Variants in TEX10 observed in about 807,000 individuals in gnomAD.
The protein encoded by TEX10 is testis expressed 10.
A neutral mutation model predicts 104.4 loss-of-function variants in TEX10; 24 were observed. The observed-to-expected ratio is 0.23, with a 90% CI of 0.17 to 0.32. The LOEUF (loss-of-function observed/expected upper bound fraction) is 0.32. Ranked by LOEUF, TEX10 falls within the 10% of genes least tolerant of loss-of-function variation. The pLI is 1.00. For missense variants in TEX10, 921 were observed against 1,083.9 expected (o/e 0.85, Z 2.11); for synonymous variants, 396 against 393.4 (o/e 1.01, Z -0.08).
At position 100,308,508 on chromosome 9, in the gene TEX10, T is replaced by C. The variant is rs1272945986; in HGVS notation, c.2457A>G (p.Leu819=). Residue 819 remains leucine (L), a synonymous_variant, in exon 13 of 15, where the codon CTA becomes CTG. Transcript: ENST00000374902. ...LTIEKGEAEH[L]RKRDKLWGVC... Reference sequence around the variant, plus strand: ...GAATAAAAAATAATTACCTCTTTCTTAGATGTTCTGCTTCCCCTTTCTCTA... The same window carrying C: ...GAATAAAAAATAATTACCTCTTTCTCAGATGTTCTGCTTCCCCTTTCTCTA... 6.3e-7 allele frequency: 1 copy of C among 1,585,774 alleles called. No homozygotes were observed. Among genetic ancestry groups the C allele is most frequent in the South Asian group, 1.2e-5 (1 of 85,096 alleles).
intron 5 of TEX10, among the ~76,000 whole-genome samples, chr9:100,336,621 C>T (rs1818327125): frequency 1.3e-5 from 2 of 152,158 alleles, no homozygotes; most frequent in Admixed American, 6.5e-5. Flanking sequence ...AAAACTGTTT[C>T]ATTACGTATT....
At chr9:100,346,383 T>A in intron 3 of TEX10, 68 bp from the exon 4 acceptor site, 1 of 1,489,258 alleles carries the variant, frequency 6.7e-7, no homozygotes, top group African/African-American at 1.4e-5. Context: ...CTAATTTAAA[T>A]CTTAAATATA....
At chr9:100,325,344 A>G (rs960330493) in intron 9 of TEX10, among the ~76,000 whole-genome samples, 1 of 152,226 alleles carries the variant, frequency 6.6e-6, no homozygotes, top group African/African-American at 2.4e-5. Flanking sequence ...TGAGCAACAT[A>G]AAACCTTTCA....
chr9:100,314,200 G>C (rs969692746), intron 11 of TEX10, among the ~76,000 whole-genome samples: 1 of 150,730 alleles, frequency 6.6e-6, no homozygotes. Flanking sequence ...CAATTCTCCT[G>C]CCTCAGCCTC....
intron 4 of TEX10, among the ~76,000 whole-genome samples, chr9:100,340,973 GT>G (rs879812518): frequency 1.6e-4 from 23 of 146,692 alleles, no homozygotes; most frequent in South Asian, 2.2e-4. Context: ...GCTCAATTTG[GT>G]TTTTTTTTTT....
rs1239901628 is a variant in TEX10, at chr9:100,329,232, C to T, written c.1533G>A (p.Gln511=). ...TLIKAVYTLY[Q]QRGLILPVRT... The stretch of plus-strand genomic sequence containing the variant: ...GAACTGGAAGGATAAGGCCCCTCTG[C>T]TGATATAATGTATAAACTGCCTTAA... The change falls in exon 7 of 15, where the codon CAG becomes CAA. Residue 511 remains glutamine, a synonymous_variant. Transcript: ENST00000374902. 6.2e-7 allele frequency: 1 copy of T among 1,612,244 alleles called. No individual in the cohort carries two copies. Among genetic ancestry groups the T allele is most frequent in the South Asian group, 1.1e-5 (1 of 90,534 alleles).
At chr9:100,344,069 AAAAT>A (rs941494568) in intron 4 of TEX10, among the ~76,000 whole-genome samples, 5 of 152,216 alleles carry the variant, frequency 3.3e-5, no homozygotes, top group African/African-American at 7.2e-5. Context: ...TCCTTTTTAA[AAAAT>A]AAATAAATAA....
At position 100,346,071 on chromosome 9, in the gene TEX10, C is replaced by T; in HGVS notation, c.1137+1G>A. On this transcript the variant is annotated splice_donor_variant, in intron 4 of 14. Transcript: ENST00000374902. LOFTEE classifies it high-confidence loss of function. ...GAAAATAAAGAACCATTAGTTCTCACCAATTTATGGGTTTCATCCTGTTGT... is the reference window on the plus strand; with the variant it reads ...GAAAATAAAGAACCATTAGTTCTCATCAATTTATGGGTTTCATCCTGTTGT... 1.9e-6 allele frequency: 3 copies of T among 1,608,990 alleles called. No individual in the cohort carries two copies. Among genetic ancestry groups the T allele is most frequent in the Non-Finnish European group, 2.5e-6 (3 of 1,177,676 alleles).
chr9:100,303,979 AACG>A, intron 13 of TEX10, 137 bp from the exon 14 acceptor site: 1 of 791,714 alleles, frequency 1.3e-6, no homozygotes, highest in South Asian at 1.7e-5. Context: ...CCAAATCAAG[AACG>A]CAATCTCACT....
At chr9:100,310,411 T>C in intron 11 of TEX10, 32 bp from the exon 12 acceptor site, 1 of 1,569,064 alleles carries the variant, frequency 6.4e-7, no homozygotes. Context: ...ACTAACCAAA[T>C]CAGAACATTT....
chr9:100,337,993 T>TA (rs759763545), intron 5 of TEX10, among the ~76,000 whole-genome samples: 4 of 152,344 alleles, frequency 2.6e-5, no homozygotes, highest in Admixed American at 2.0e-4. Context: ...ATGTAAATGT[T>TA]AGTTACAGAG....
intron 6 of TEX10, 52 bp downstream of exon 6, chr9:100,329,879 T>C (rs781584104): frequency 4.9e-6 from 7 of 1,428,246 alleles, no homozygotes; most frequent in South Asian, 2.5e-5. Context: ...GACCTTAAGA[T>C]AGCACATGTA....
rs1229862568 is a variant in TEX10 at position 100,339,297 on chromosome 9, A to G, written c.1250+960T>C. Among the ~76,000 whole-genome samples the G allele has an allele frequency of 3.6e-5, 5 of 138,658 alleles. No individual in the cohort carries two copies. In the Admixed American group the frequency reaches 3.7e-4, roughly 10 times the overall value. 91.0% of individuals were successfully genotyped at this position (138,658 alleles called of 152,430 possible). A position where few individuals can be genotyped will look rare whatever the true frequency, so the allele number is the denominator to read the frequency against. On this transcript the variant is annotated intron_variant, in intron 5 of 14. Transcript: ENST00000374902. ...AAAGTATATATATATATATACATAT[A>G]TATATACACATATTTGTTTTTTATA...
intron 9 of TEX10, among the ~76,000 whole-genome samples, chr9:100,323,688 T>G (rs898468232): frequency 1.4e-4 from 22 of 152,228 alleles, no homozygotes; most frequent in Non-Finnish European, 2.8e-4. Flanking sequence ...GCTGATGGGT[T>G]TTTAACACAT....
chr9:100,330,191 T>A (rs371735265), intron 5 of TEX10, 22 bp from the exon 6 acceptor site: 5 of 1,502,532 alleles, frequency 3.3e-6, no homozygotes, highest in Non-Finnish European at 4.6e-6. Flanking sequence ...GACACACACA[T>A]CTATAAAGCA....
At chr9:100,316,883 C>A (rs1834429956) in intron 11 of TEX10, among the ~76,000 whole-genome samples, 1 of 90,204 alleles carries the variant, frequency 1.1e-5, no homozygotes, top group Admixed American at 1.5e-4. Flanking sequence ...GGCAATCCCA[C>A]TTATAATAGC....
In TEX10 at chr9:100,327,895, G is replaced by A; in HGVS notation, c.1693C>T (p.Arg565Ter). 6.2e-7 allele frequency: 1 copy of A among 1,603,570 alleles called. No individual in the cohort carries two copies. Among genetic ancestry groups the A allele is most frequent in the Non-Finnish European group, 8.5e-7 (1 of 1,172,928 alleles). ...LPLQLAHLGS[R>*]NPELSTQLID... is the part of the protein sequence containing the mutation. Reference sequence around the variant, plus strand: ...AGCTGTGTAGAGAGCTCAGGATTTCGGGAGCCAAGATGAGCAAGTTGCAAT... The same window carrying A: ...AGCTGTGTAGAGAGCTCAGGATTTCAGGAGCCAAGATGAGCAAGTTGCAAT... Residue 565 changes from arginine to a stop codon, truncating the protein, a stop_gained, in exon 8 of 15, where the codon CGA (arginine) becomes TGA (stop). Coordinates refer to ENST00000374902, the MANE Select transcript of TEX10 (RefSeq NM_017746.4). LOFTEE classifies it high-confidence loss of function.
At chr9:100,338,922 A>G (rs928058363) in intron 5 of TEX10, among the ~76,000 whole-genome samples, 1 of 151,846 alleles carries the variant, frequency 6.6e-6, no homozygotes, top group South Asian at 2.1e-4. Flanking sequence ...TTTCTGTTTC[A>G]TGACTGGACC....
At chr9:100,311,256 G>A (rs1205444367) in intron 11 of TEX10, among the ~76,000 whole-genome samples, 3 of 152,000 alleles carry the variant, frequency 2.0e-5, no homozygotes, top group African/African-American at 7.2e-5. Flanking sequence ...TTGGCCAGAT[G>A]TGGTAGCACA....
Sources: gnomAD v4.1 joint callset for allele counts (sites outside exome capture counted in the v4.1 genomes callset) on GRCh38, gnomAD v4.1.1 for gene constraint, MANE v1.5 for transcripts, NCBI Gene and HGNC (gene_info 2026-07-23, HGNC 2026-07-21) for gene names.